SPCS2: variants seen among roughly 807,000 people sequenced by gnomAD.
SPCS2 encodes SPase 25 kDa subunit.
SPCS2 carries 3 observed loss-of-function variants against 22.3 expected under a neutral mutation model. The observed-to-expected ratio is 0.13, with a 90% CI of 0.06 to 0.35. SPCS2 has a LOEUF of 0.35. Among genes scored for constraint, SPCS2 ranks in the 10% least tolerant of loss-of-function variants. The pLI is 1.00. For synonymous variants in SPCS2, 67 were observed against 97.2 expected, an observed-to-expected ratio of 0.69 and a Z score of 1.83; for missense variants, 169 against 280.9, an observed-to-expected ratio of 0.60 and a Z score of 2.85.
chr11:74,953,096 A>C (rs1055135173), intron 1 of SPCS2, among the ~76,000 whole-genome samples: 1 of 152,146 alleles, frequency 6.6e-6, no homozygotes, highest in Non-Finnish European at 1.5e-5. Context: ...TAATTGTTTG[A>C]AGACTGAGGG....
At chr11:74,975,350 ATCT>A (rs1465710432) in intron 4 of SPCS2, among the ~76,000 whole-genome samples, 2 of 152,202 alleles carry the variant, frequency 1.3e-5, no homozygotes, top group African/African-American at 2.4e-5. Flanking sequence ...TTAAGAGAAC[ATCT>A]TCTTTTTTTA....
chr11:74,953,620 C>A (rs1948459621), intron 1 of SPCS2, among the ~76,000 whole-genome samples: 2 of 152,170 alleles, frequency 1.3e-5, no homozygotes, highest in Non-Finnish European at 2.9e-5. Context: ...TCCTAGTTTT[C>A]CCTAAGCAGA....
At chr11:74,962,229 G>A (rs866848642) in intron 1 of SPCS2, among the ~76,000 whole-genome samples, 1 of 152,174 alleles carries the variant, frequency 6.6e-6, no homozygotes, top group Non-Finnish European at 1.5e-5. Flanking sequence ...AAGGAAAGGT[G>A]TTCAACATAA....
At chr11:74,960,839 G>A (rs933648119) in intron 1 of SPCS2, among the ~76,000 whole-genome samples, 7 of 152,104 alleles carry the variant, frequency 4.6e-5, no homozygotes, top group Admixed American at 1.3e-4. Flanking sequence ...TAGCACATCC[G>A]TAGCACATGT....
At chr11:74,949,489 T>C in intron 1 of SPCS2, 90 bp downstream of exon 1, 1 of 1,197,830 alleles carries the variant, frequency 8.3e-7, no homozygotes, top group Non-Finnish European at 1.2e-6. Context: ...CCTTATTTTC[T>C]ACGGCCTTTT....
At chr11:74,965,234 C>A in intron 2 of SPCS2, 117 bp downstream of exon 2, 1 of 682,116 alleles carries the variant, frequency 1.5e-6, no homozygotes, top group South Asian at 2.2e-5. Flanking sequence ...GAAATTAAGT[C>A]AGAAAGCAGT....
intron 1 of SPCS2, 48 bp from the exon 2 acceptor site, chr11:74,964,986 G>C: frequency 3.0e-6 from 4 of 1,324,710 alleles, no homozygotes; most frequent in Non-Finnish European, 4.2e-6. Context: ...TTTACTTTCA[G>C]TAAGAGGCCA....
At chr11:74,950,986 G>A (rs374745452) in intron 1 of SPCS2, among the ~76,000 whole-genome samples, 1 of 152,296 alleles carries the variant, frequency 6.6e-6, no homozygotes, top group East Asian at 1.9e-4. Context: ...GCACCTCATA[G>A]CCTGTGCTTA....
rs149272779 is a variant in SPCS2, at chr11:74,966,203, G to A, written c.359+280G>A. Among the ~76,000 whole-genome samples the A allele has an allele frequency of 1.1e-3, 163 of 152,286 alleles. 2 individuals are homozygous for A. The East Asian group carries it at 0.027, about 25-fold the overall frequency. On this transcript the variant is annotated intron_variant, in intron 3 of 4. Transcript: ENST00000263672. The stretch of plus-strand genomic sequence containing the variant: ...TGAGCACTTAATAGCAAAACACATA[G>A]TAATAGTGAACCCAGCTCTTCTCAT...
intron 1 of SPCS2, 55 bp from the exon 2 acceptor site, chr11:74,964,979 A>T: frequency 1.6e-6 from 2 of 1,227,486 alleles, no homozygotes; most frequent in Non-Finnish European, 2.3e-6. Flanking sequence ...GGTTCATTTT[A>T]CTTTCAGTAA....
chr11:74,972,741 C>T (rs1428318203), intron 4 of SPCS2, among the ~76,000 whole-genome samples: 1 of 149,922 alleles, frequency 6.7e-6, no homozygotes, highest in African/African-American at 2.5e-5. Flanking sequence ...TTTTAAACAA[C>T]AAATTGGATC....
chr11:74,976,795 A>G (rs1948616307), intron 4 of SPCS2, 62 bp from the exon 5 acceptor site: 6 of 1,601,410 alleles, frequency 3.7e-6, no homozygotes, highest in Non-Finnish European at 5.1e-6. Context: ...TTGGTGCCGT[A>G]TTGTTACTGG....
chr11:74,951,994 C>G (rs1019848673), intron 1 of SPCS2, among the ~76,000 whole-genome samples: 3 of 152,026 alleles, frequency 2.0e-5, no homozygotes, highest in African/African-American at 7.2e-5. Flanking sequence ...AGAAGGCTCT[C>G]TAAAGGAACT....
intron 1 of SPCS2, among the ~76,000 whole-genome samples, chr11:74,953,493 T>C (rs1415683427): frequency 6.6e-6 from 1 of 152,100 alleles, no homozygotes. Context: ...ACACCCAGCC[T>C]AATATAATTT....
intron 4 of SPCS2, 21 bp downstream of exon 4, chr11:74,969,720 T>C (rs1948569422): frequency 6.2e-7 from 1 of 1,613,416 alleles, no homozygotes; most frequent in Non-Finnish European, 8.5e-7. Context: ...CCTCACAGAT[T>C]TTTAAATCCT....
chr11:74,950,190 C>T (rs629573), intron 1 of SPCS2, among the ~76,000 whole-genome samples: 57,901 of 152,102 alleles, frequency 0.38, 12,411 homozygotes, highest in Non-Finnish European at 0.5. Context: ...CGGAGAACAA[C>T]GTCCTGGTGT....
rs928323586 is a variant in SPCS2, at chr11:74,965,662, T to G, written c.199-101T>G. On this transcript the variant is annotated intron_variant, in intron 2 of 4. Transcript: ENST00000263672. ...TAAAATCCCAACTGGAGGGAACTAC[T>G]TGGTAATTCATATGATTCTTTTATC... The G allele has an allele frequency of 8.8e-6, 9 of 1,017,674 alleles. No individual in the cohort carries two copies. The Admixed American group carries it at 2.2e-4, about 25-fold the overall frequency. The allele number at this position is 1,017,674 out of a possible 1,614,324, so 63.0% of individuals were successfully genotyped here.
At chr11:74,970,473 A>C (rs1229853829) in intron 4 of SPCS2, among the ~76,000 whole-genome samples, 1 of 152,238 alleles carries the variant, frequency 6.6e-6, no homozygotes, top group Non-Finnish European at 1.5e-5. Context: ...GTAGAGCAGG[A>C]ATTCCAGCCC....
chr11:74,967,951 G>A (rs1948556960), intron 3 of SPCS2, among the ~76,000 whole-genome samples: 2 of 151,648 alleles, frequency 1.3e-5, no homozygotes, highest in Admixed American at 1.3e-4. Flanking sequence ...AAAGTCTTCT[G>A]TATCCTAGAC....
Sources: allele counts gnomAD v4.1 joint callset (sites outside exome capture counted in the v4.1 genomes callset), GRCh38; gene constraint gnomAD v4.1.1; transcripts MANE v1.5; gene names NCBI Gene and HGNC (gene_info 2026-07-23, HGNC 2026-07-21).